The following ANK2 variants were observed in gnomAD, a reference collection of about 807,000 sequenced individuals.
The protein encoded by ANK2 is ankyrin-2.
Under a neutral mutation model 360.5 loss-of-function variants are expected in ANK2, and 83 were observed. The ratio of observed to expected loss-of-function variants is 0.23; its 90% CI spans 0.19 to 0.28. The LOEUF (loss-of-function observed/expected upper bound fraction) is 0.28, where lower values mean the gene tolerates loss of function less well. ANK2 is among the 10% of genes least tolerant of loss of function. The probability of loss-of-function intolerance (pLI) is 1.00; values close to 1 mark genes in which losing one functional copy is unlikely to be tolerated. For synonymous variants in ANK2, 1,740 were observed against 1,759.5 expected (o/e 0.99, Z 0.28); for missense variants, 4,201 against 4,795.7 (o/e 0.88, Z 3.66).
At chr4:113,061,330 C>T (rs2073239729) in intron 1 of ANK2, among the ~76,000 whole-genome samples, 1 of 152,122 alleles carries the variant, frequency 6.6e-6, no homozygotes, top group African/African-American at 2.4e-5. Context: ...TTCTGAATCA[C>T]TGACCCTCAT....
chr4:113,089,857 T>TA (rs1554110246), intron 1 of ANK2, among the ~76,000 whole-genome samples: 4 of 152,016 alleles, frequency 2.6e-5, no homozygotes, highest in Non-Finnish European at 5.9e-5. Context: ...AAAAAGCTGA[T>TA]AAAAAAATAT....
At chr4:112,887,711 A>T (rs2078816813) in intron 1 of ANK2, among the ~76,000 whole-genome samples, 1 of 151,922 alleles carries the variant, frequency 6.6e-6, no homozygotes, top group Non-Finnish European at 1.5e-5. Context: ...GACTAAAGAG[A>T]TTGGTCTTCT....
Position 113,355,560 on chromosome 4 carries a change from C to G in ANK2, c.6942C>G (p.Gly2314=). 1.2e-6 allele frequency: 2 copies of G among 1,614,100 alleles called. No individual in the cohort carries two copies. The highest frequency in any genetic ancestry group is 1.7e-6 in the Non-Finnish European group (2 of 1,179,984). Reference sequence around the variant, plus strand: ...GTTTTCAGAAAGAGGCCACTCTAGGCTCTCCCAAAGACACAAGCCCTAAAA... The same window carrying G: ...GTTTTCAGAAAGAGGCCACTCTAGGGTCTCCCAAAGACACAAGCCCTAAAA... The part of the protein sequence containing the change: ...TESFQKEATL[G]SPKDTSPKRQ... Residue 2314 remains glycine, a synonymous_variant, in exon 38 of 46, where the codon GGC becomes GGG. Coordinates refer to ENST00000357077, the MANE Select transcript of ANK2 (RefSeq NM_001148.6).
chr4:112,826,718 C>A, intron 1 of ANK2: 1 of 834,158 alleles, frequency 1.2e-6, no homozygotes, highest in Non-Finnish European at 2.0e-6. Flanking sequence ...CAGTGAACAC[C>A]ATAATACCTA....
chr4:113,367,969 A>C, intron 42 of ANK2, 118 bp downstream of exon 42: 4 of 1,223,180 alleles, frequency 3.3e-6, no homozygotes, highest in Non-Finnish European at 4.7e-6. Context: ...CCTACCAAAC[A>C]CAAGTGCCAG....
intron 14 of ANK2, among the ~76,000 whole-genome samples, chr4:113,272,011 C>G (rs1400010604): frequency 6.6e-6 from 1 of 152,222 alleles, no homozygotes; most frequent in African/African-American, 2.4e-5. Context: ...TTGGCATTTG[C>G]TTTAGGGATC....
intron 1 of ANK2, among the ~76,000 whole-genome samples, chr4:113,115,784 TATC>T (rs994573248): frequency 7.9e-5 from 12 of 152,212 alleles, no homozygotes; most frequent in African/African-American, 2.2e-4. Context: ...TACAAAAACA[TATC>T]ATTTTCTAGG....
intron 4 of ANK2, among the ~76,000 whole-genome samples, chr4:113,222,034 A>G (rs1443640507): frequency 6.6e-6 from 1 of 152,226 alleles, no homozygotes; most frequent in Admixed American, 6.5e-5. Flanking sequence ...CCATGTTTTA[A>G]GTAATGTGAA....
rs28428531 is a variant in ANK2 at position 113,116,075 on chromosome 4, T to C, written c.85-58341T>C. Among the ~76,000 whole-genome samples, 1,205 of 152,314 alleles carry C rather than the reference T, an allele frequency of 7.9e-3. 18 individuals are homozygous for C. The highest frequency in any genetic ancestry group is 0.028 in the African/African-American group (1,150 of 41,576). ...GGCAGTATAGGTAATTGGAATACTATAGAGAACTTCATCTTCTTGAGTTAA... is the reference window on the plus strand; with the variant it reads ...GGCAGTATAGGTAATTGGAATACTACAGAGAACTTCATCTTCTTGAGTTAA... On this transcript the variant is annotated intron_variant, in intron 1 of 45. Coordinates refer to ENST00000357077, the MANE Select transcript of ANK2 (RefSeq NM_001148.6).
the ANK2 span, among the ~76,000 whole-genome samples, chr4:112,715,642 T>G: frequency 1.3e-5 from 2 of 152,216 alleles, no homozygotes; most frequent in African/African-American, 4.8e-5. Context: ...CTGTTTACCT[T>G]CCTTTTGATT....
chr4:113,116,971 G>A (rs2094859283), intron 1 of ANK2: 1 of 252,568 alleles, frequency 4.0e-6, no homozygotes, highest in Non-Finnish European at 7.9e-6. Context: ...CTGAAGAGCT[G>A]GAAGTCTAGT....
intron 25 of ANK2, among the ~76,000 whole-genome samples, chr4:113,318,083 A>G (rs1337413098): frequency 6.6e-6 from 1 of 152,216 alleles, no homozygotes; most frequent in Non-Finnish European, 1.5e-5. Flanking sequence ...TTATATTTTT[A>G]AAATAAAATC....
the ANK2 span, among the ~76,000 whole-genome samples, chr4:112,725,706 A>G: frequency 1.3e-5 from 2 of 152,032 alleles, no homozygotes; most frequent in African/African-American, 2.4e-5. Flanking sequence ...TTCCAAATAT[A>G]TAAGGTACCT....
At chr4:112,973,375 A>T (rs940945811) in intron 2 of ANK2, among the ~76,000 whole-genome samples, 1 of 152,168 alleles carries the variant, frequency 6.6e-6, no homozygotes, top group East Asian at 1.9e-4. Context: ...ATATACTAAG[A>T]TATAAAAGCA....
At chr4:113,162,081 T>A (rs543720428) in intron 1 of ANK2, among the ~76,000 whole-genome samples, 1 of 152,344 alleles carries the variant, frequency 6.6e-6, no homozygotes, top group African/African-American at 2.4e-5. Context: ...TTTTAGGGTA[T>A]TCTGTTCCCC....
intron 2 of ANK2, among the ~76,000 whole-genome samples, chr4:113,035,927 A>G (rs2154308057): frequency 6.6e-6 from 1 of 152,092 alleles, no homozygotes; most frequent in Non-Finnish European, 1.5e-5. Context: ...ATTAGTGGGT[A>G]AAACACCATA....
chr4:113,177,511 A>G (rs934945296), intron 2 of ANK2, among the ~76,000 whole-genome samples: 6 of 152,360 alleles, frequency 3.9e-5, no homozygotes, highest in African/African-American at 1.2e-4. Flanking sequence ...CATAAATAAC[A>G]CCAAAAAAGA....
intron 2 of ANK2, among the ~76,000 whole-genome samples, chr4:112,990,451 C>T (rs187316829): frequency 9.2e-5 from 14 of 151,862 alleles, no homozygotes; most frequent in Admixed American, 8.5e-4. Context: ...CCAGGCACTT[C>T]TTTCCTGTTT....
At chr4:112,936,084 T>C in intron 2 of ANK2, among the ~76,000 whole-genome samples, 1 of 152,276 alleles carries the variant, frequency 6.6e-6, no homozygotes, top group South Asian at 2.1e-4. Context: ...AATGACAGTC[T>C]GTCAGTGGCC....
Sources: allele counts gnomAD v4.1 joint callset (sites outside exome capture counted in the v4.1 genomes callset), GRCh38; gene constraint gnomAD v4.1.1; transcripts MANE v1.5; gene names NCBI Gene and HGNC (gene_info 2026-07-23, HGNC 2026-07-21).